PVALEF: variants seen among roughly 807,000 people sequenced by gnomAD.
PVALEF encodes the protein parvalbumin-like EF-hand-containing protein.
A neutral mutation model predicts 1.2 loss-of-function variants in PVALEF; 2 were observed. The observed-to-expected ratio is 1.68, with a 90% CI of 0.69 to 5.28. PVALEF has a LOEUF of 5.28. Among genes scored for constraint, PVALEF ranks in the 30% most tolerant of loss-of-function variants. The pLI is 0.06. For missense variants in PVALEF, 35 were observed against 17.7 expected (o/e 1.97, Z -1.75); for synonymous variants, 16 against 6.5 (o/e 2.47, Z -2.24).
rs1158812420 is a variant in PVALEF at position 81,168,714 on chromosome 17, C to T, written c.-340+1870C>T. Among the ~76,000 whole-genome samples the T allele has an allele frequency of 3.9e-5, 6 of 152,114 alleles. No individual in the cohort carries two copies. In the East Asian group the frequency reaches 1.2e-3, roughly 29 times the overall value. ...GAGAGTGTCGGTGCAGAAGCATTGC[C>T]CGTCGAAGAGGAAAAAGGCCAAGAA... On this transcript the variant is annotated intron_variant, in intron 2 of 6. Coordinates refer to ENST00000637878, the MANE Select transcript of PVALEF (RefSeq NM_001354639.2).
At chr17:81,177,983 C>T (rs1035561730) in intron 2 of PVALEF, among the ~76,000 whole-genome samples, 1 of 152,078 alleles carries the variant, frequency 6.6e-6, no homozygotes, top group African/African-American at 2.4e-5. Flanking sequence ...CCCTGATGTC[C>T]GACCTGAGGC....
intron 1 of PVALEF, chr17:81,165,985 G>A: frequency 6.3e-7 from 1 of 1,582,142 alleles, no homozygotes; most frequent in Non-Finnish European, 8.6e-7. Flanking sequence ...GAAGAAGGAC[G>A]ACGACATGGC....
At chr17:81,182,580 C>T (rs1161794884) in intron 6 of PVALEF, among the ~76,000 whole-genome samples, 2 of 152,322 alleles carry the variant, frequency 1.3e-5, no homozygotes, top group Non-Finnish European at 2.9e-5. Flanking sequence ...ATCCTGACCC[C>T]TCTCAGAACT....
chr17:81,182,987 G>T lies in PVALEF; in HGVS notation c.381G>T (p.Lys127Asn). 2 of 398,708 alleles carry T rather than the reference G, an allele frequency of 5.0e-6. No individual in the cohort carries two copies. The highest frequency in any genetic ancestry group is 7.1e-5 in the East Asian group (2 of 28,086). 24.7% of individuals were successfully genotyped at this position (398,708 alleles called of 1,614,324 possible). The change falls in exon 7 of 7, where the codon AAG (lysine) becomes AAT (asparagine). Residue 127 changes from lysine (K) to asparagine (N), a missense_variant. Transcript: ENST00000637878. ...TAGAATTTTCTGAATTGATCAAAAAGGAGAAAATTCCAAAGAAGAAGTAGC... is the reference window on the plus strand; with the variant it reads ...TAGAATTTTCTGAATTGATCAAAAATGAGAAAATTCCAAAGAAGAAGTAGC... ...NYEEFSELIK[K>N]EKIPKKK
chr17:81,166,632 C>A (rs146797445), intron 1 of PVALEF, 45 bp from the exon 2 acceptor site: 1 of 451,488 alleles, frequency 2.2e-6, no homozygotes, highest in Non-Finnish European at 4.4e-6. Context: ...CGGGAGCACA[C>A]CCAGGGCGGG....
chr17:81,166,895 T>C, intron 2 of PVALEF, 51 bp downstream of exon 2: 1 of 338,122 alleles, frequency 3.0e-6, no homozygotes, highest in East Asian at 9.8e-5. Flanking sequence ...TCCCTTCCCC[T>C]ATGTTTCTCC....
intron 2 of PVALEF, among the ~76,000 whole-genome samples, chr17:81,170,116 G>A (rs2061514900): frequency 6.7e-6 from 1 of 149,360 alleles, no homozygotes; most frequent in Admixed American, 6.6e-5. Flanking sequence ...GTCTGCATAT[G>A]TGTAGGCATG....
chr17:81,171,264 G>C (rs919602605), intron 2 of PVALEF, among the ~76,000 whole-genome samples: 2 of 152,182 alleles, frequency 1.3e-5, no homozygotes, highest in African/African-American at 4.8e-5. Context: ...GGCCGCCCAG[G>C]GGACAGGCCA....
rs1242169567 is a variant in PVALEF, at chr17:81,174,752, A to G, written c.-339-4166A>G. Among the ~76,000 whole-genome samples the G allele has an allele frequency of 2.6e-5, 4 of 152,296 alleles. No homozygotes were observed. The South Asian group carries it at 6.2e-4, about 24-fold the overall frequency. Reference sequence around the variant, plus strand: ...ATCACAAGGTCAGGAGATTGAGACCATCCTGGCTAACACAGTGAAACCCTG... The same window carrying G: ...ATCACAAGGTCAGGAGATTGAGACCGTCCTGGCTAACACAGTGAAACCCTG... On this transcript the variant is annotated intron_variant, in intron 2 of 6. Transcript: ENST00000637878.
chr17:81,179,127 G>C lies in PVALEF; in HGVS notation c.-130G>C. On this transcript the variant is annotated 5_prime_UTR_variant, in exon 3 of 7. Transcript: ENST00000637878. ...ACACCCCAGCCTGACCCACCTTCCA[G>C]AACTCTCGAAAGAAGCCAGGCAGAG... 2.5e-6 allele frequency: 1 copy of C among 395,784 alleles called. No individual in the cohort carries two copies. Among genetic ancestry groups the C allele is most frequent in the South Asian group, 1.8e-5 (1 of 56,896 alleles). The allele number at this position is 395,784 out of a possible 1,614,324, so 24.5% of individuals were successfully genotyped here. A position where few individuals can be genotyped will look rare whatever the true frequency, so the allele number is the denominator to read the frequency against.
chr17:81,180,916 C>T (rs534130909), intron 3 of PVALEF, among the ~76,000 whole-genome samples: 2 of 152,304 alleles, frequency 1.3e-5, no homozygotes, highest in African/African-American at 4.8e-5. Context: ...TGCTGAGCCC[C>T]AGAACCCAAC....
At chr17:81,181,767 C>T (rs1468695041) in intron 5 of PVALEF, 73 bp downstream of exon 5, 6 of 398,460 alleles carry the variant, frequency 1.5e-5, no homozygotes, top group African/African-American at 6.2e-5. Context: ...ATGGCGGACC[C>T]GGCCTTCCCC....
chr17:81,181,554 C>A lies in PVALEF; in HGVS notation c.107-5C>A. On this transcript the variant is annotated splice_region_variant and splice_polypyrimidine_tract_variant and intron_variant, in intron 4 of 6. Coordinates refer to ENST00000637878, the MANE Select transcript of PVALEF (RefSeq NM_001354639.2). ...CCCTCCGTGAGCCCCGCCTGGTTGC[C>A]CCAGGGTCCTTCAACTACCTCAAGT... 1 of 459,520 alleles carries A rather than the reference C, an allele frequency of 2.2e-6. No homozygotes were observed. Among genetic ancestry groups the A allele is most frequent in the Non-Finnish European group, 3.8e-6 (1 of 263,418 alleles). 28.5% of individuals were successfully genotyped at this position (459,520 alleles called of 1,614,324 possible).
intron 3 of PVALEF, among the ~76,000 whole-genome samples, chr17:81,180,104 C>T (rs1159212310): frequency 6.6e-6 from 1 of 152,170 alleles, no homozygotes; most frequent in African/African-American, 2.4e-5. Flanking sequence ...CTGCCTCCCA[C>T]CCTGTCTCCA....
intron 6 of PVALEF, among the ~76,000 whole-genome samples, chr17:81,182,426 C>G (rs948506413): frequency 2.0e-5 from 3 of 152,228 alleles, no homozygotes; most frequent in Non-Finnish European, 4.4e-5. Context: ...AGTGGCTGGC[C>G]ACAGGCCTGG....
chr17:81,169,161 G>C (rs1231214714), intron 2 of PVALEF, among the ~76,000 whole-genome samples: 1 of 152,210 alleles, frequency 6.6e-6, no homozygotes, highest in Middle Eastern at 3.2e-3. Context: ...AAGGGGCACA[G>C]GGCGTCTTCC....
At chr17:81,174,613 G>C (rs527736215) in intron 2 of PVALEF, among the ~76,000 whole-genome samples, 4 of 149,996 alleles carry the variant, frequency 2.7e-5, no homozygotes, top group Non-Finnish European at 4.4e-5. Context: ...CTGCACAACA[G>C]AGCAAGACTC....
At chr17:81,169,459 A>G (rs1415317555) in intron 2 of PVALEF, among the ~76,000 whole-genome samples, 1 of 152,018 alleles carries the variant, frequency 6.6e-6, no homozygotes, top group Non-Finnish European at 1.5e-5. Flanking sequence ...TTAACCAGAC[A>G]TGGTGGCAGG....
intron 2 of PVALEF, among the ~76,000 whole-genome samples, chr17:81,172,183 C>T (rs988330332): frequency 2.6e-5 from 4 of 152,182 alleles, no homozygotes; most frequent in African/African-American, 7.2e-5. Context: ...TGTGTTTATC[C>T]GGCCACACCC....
Sources: allele counts gnomAD v4.1 joint callset (sites outside exome capture counted in the v4.1 genomes callset), GRCh38; gene constraint gnomAD v4.1.1; transcripts MANE v1.5; gene names NCBI Gene and HGNC (gene_info 2026-07-23, HGNC 2026-07-21).